ZBTB20: variants seen among roughly 807,000 people sequenced by gnomAD.
ZBTB20 encodes zinc finger and BTB domain-containing protein 20.
A neutral mutation model predicts 56.9 loss-of-function variants in ZBTB20; 9 were observed. The observed-to-expected ratio is 0.16, with a 90% confidence interval of 0.10 to 0.28. The LOEUF is 0.28. Ranked by LOEUF, ZBTB20 falls within the 10% of genes least tolerant of loss-of-function variation. The pLI, the probability that ZBTB20 is intolerant of heterozygous loss-of-function variation, is 1.00. For missense variants in ZBTB20, 655 were observed against 1,003.0 expected (o/e 0.65, Z 4.69); for synonymous variants, 417 against 420.7 (o/e 0.99, Z 0.11).
chr3:114,806,187 G>A (rs546672228), intron 4 of ZBTB20, among the ~76,000 whole-genome samples: 2 of 151,810 alleles, frequency 1.3e-5, no homozygotes, highest in Admixed American at 1.3e-4. Flanking sequence ...TTTCCAAAGT[G>A]ACTATACTCT....
At chr3:115,006,496 G>A (rs1002283005) in intron 2 of ZBTB20, among the ~76,000 whole-genome samples, 2 of 150,194 alleles carry the variant, frequency 1.3e-5, no homozygotes, top group Non-Finnish European at 3.0e-5. Context: ...TTTGTCCTTA[G>A]TAAAGCTTGA....
At chr3:114,823,235 C>T (rs1182272626) in intron 4 of ZBTB20, among the ~76,000 whole-genome samples, 1 of 152,060 alleles carries the variant, frequency 6.6e-6, no homozygotes, top group African/African-American at 2.4e-5. Context: ...TGAAATGTGG[C>T]CACCTGAGGC....
At chr3:114,742,726 A>G (rs1578643982) in intron 5 of ZBTB20, among the ~76,000 whole-genome samples, 1 of 152,252 alleles carries the variant, frequency 6.6e-6, no homozygotes, top group East Asian at 1.9e-4. Flanking sequence ...TGGTTTTTTA[A>G]CCCTGATTGC....
At chr3:114,378,667 A>C (rs933512717) in intron 10 of ZBTB20, among the ~76,000 whole-genome samples, 2 of 152,238 alleles carry the variant, frequency 1.3e-5, no homozygotes, top group African/African-American at 4.8e-5. Context: ...CTGGGTAATG[A>C]AGACCTGCAT....
At chr3:114,519,072 G>T (rs1481922684) in intron 6 of ZBTB20, 1 of 152,168 alleles carries the variant, frequency 6.6e-6, no homozygotes, top group African/African-American at 2.4e-5. Context: ...AAGCACCCCA[G>T]AAAAGCCTCA....
chr3:114,670,358 A>G (rs1462746296), intron 6 of ZBTB20, among the ~76,000 whole-genome samples: 1 of 152,112 alleles, frequency 6.6e-6, no homozygotes, highest in Non-Finnish European at 1.5e-5. Flanking sequence ...AGGTGGAATA[A>G]CTGGATTAGC....
At chr3:114,657,664 T>C (rs1460173747) in intron 6 of ZBTB20, among the ~76,000 whole-genome samples, 1 of 152,216 alleles carries the variant, frequency 6.6e-6, no homozygotes, top group African/African-American at 2.4e-5. Flanking sequence ...GCCTGAATTC[T>C]AACTTCTCTA....
intron 2 of ZBTB20, among the ~76,000 whole-genome samples, chr3:115,069,882 TATTTTC>T (rs1001474356): frequency 3.3e-5 from 5 of 152,104 alleles, no homozygotes; most frequent in South Asian, 2.1e-4. Context: ...TGGGTAAAGT[TATTTTC>T]ATTTTCATTT....
chr3:114,559,275 G>A (rs2051684381), intron 6 of ZBTB20, among the ~76,000 whole-genome samples: 2 of 152,088 alleles, frequency 1.3e-5, no homozygotes, highest in Non-Finnish European at 2.9e-5. Context: ...ACCTCAAAAT[G>A]CTCTAAAAAT....
chr3:114,806,475 A>T (rs181145214), intron 4 of ZBTB20, among the ~76,000 whole-genome samples: 124 of 152,052 alleles, frequency 8.2e-4, no homozygotes, highest in African/African-American at 2.6e-3. Context: ...TTCTTTATAT[A>T]TTATGCGTAA....
Position 114,587,923 on chromosome 3 carries a change from G to A in ZBTB20, c.-294-87532C>T, listed in dbSNP as rs547068689. On this transcript the variant is annotated intron_variant, in intron 6 of 11. Coordinates refer to ENST00000675478, the MANE Select transcript of ZBTB20 (RefSeq NM_001348800.3). ...ATCAAGATGTCATTCCTTTCTCCAGGCCTGACCTATTCCTACTTTAATGCA... is the reference window on the plus strand; with the variant it reads ...ATCAAGATGTCATTCCTTTCTCCAGACCTGACCTATTCCTACTTTAATGCA... Among the ~76,000 whole-genome samples the A allele has an allele frequency of 7.2e-5, 11 of 152,286 alleles. No homozygotes were observed. The East Asian group carries it at 2.1e-3, about 29-fold the overall frequency.
At chr3:114,573,982 T>C (rs1238690666) in intron 6 of ZBTB20, among the ~76,000 whole-genome samples, 1 of 152,170 alleles carries the variant, frequency 6.6e-6, no homozygotes, top group East Asian at 1.9e-4. Context: ...TCTTACATCA[T>C]TATCGAATAC....
At chr3:114,365,586 C>G (rs372217507) in intron 10 of ZBTB20, among the ~76,000 whole-genome samples, 11 of 152,140 alleles carry the variant, frequency 7.2e-5, no homozygotes, top group African/African-American at 2.7e-4. Flanking sequence ...AGATTAGACC[C>G]AGGAAAAAGA....
At chr3:114,619,401 G>A (rs949516782) in intron 6 of ZBTB20, among the ~76,000 whole-genome samples, 3 of 152,130 alleles carry the variant, frequency 2.0e-5, no homozygotes, top group African/African-American at 4.8e-5. Context: ...AATTGGTTTA[G>A]GGGACAGAAT....
chr3:114,411,634 G>A (rs1417645260), intron 7 of ZBTB20, among the ~76,000 whole-genome samples: 1 of 152,042 alleles, frequency 6.6e-6, no homozygotes, highest in Non-Finnish European at 1.5e-5. Flanking sequence ...AATGGATCAG[G>A]GAGCTGAAAT....
At chr3:114,952,876 TACA>T (rs2077119694) in intron 3 of ZBTB20, among the ~76,000 whole-genome samples, 1 of 151,962 alleles carries the variant, frequency 6.6e-6, no homozygotes, top group Non-Finnish European at 1.5e-5. Flanking sequence ...AGACAAATGA[TACA>T]ACATTGCCAC....
intron 5 of ZBTB20, among the ~76,000 whole-genome samples, chr3:114,744,640 G>C (rs908312708): frequency 6.6e-6 from 1 of 152,100 alleles, no homozygotes; most frequent in African/African-American, 2.4e-5. Flanking sequence ...ATAATAATAA[G>C]AGGAAATAAC....
chr3:114,536,326 A>G (rs1366035890), intron 6 of ZBTB20, among the ~76,000 whole-genome samples: 1 of 152,228 alleles, frequency 6.6e-6, no homozygotes, highest in Non-Finnish European at 1.5e-5. Flanking sequence ...ATGTGCAAAA[A>G]TCACAAGTAT....
At chr3:114,552,688 T>C (rs964215522) in intron 6 of ZBTB20, among the ~76,000 whole-genome samples, 1 of 152,150 alleles carries the variant, frequency 6.6e-6, no homozygotes, top group East Asian at 1.9e-4. Flanking sequence ...ATGTGGCCAC[T>C]GGCTGCTATA....
Sources: allele counts gnomAD v4.1 joint callset (sites outside exome capture counted in the v4.1 genomes callset), GRCh38; gene constraint gnomAD v4.1.1; transcripts MANE v1.5; gene names NCBI Gene and HGNC (gene_info 2026-07-23, HGNC 2026-07-21).